SH3GL2: variants seen among roughly 807,000 people sequenced by gnomAD.
SH3GL2 encodes SH3 domain containing GRB2 like 2, endophilin A1.
Under a neutral mutation model 46.0 loss-of-function variants are expected in SH3GL2, and 24 were observed. That is an observed-to-expected ratio of 0.52 (90% CI 0.38 to 0.73). The LOEUF (loss-of-function observed/expected upper bound fraction) is 0.73. SH3GL2 is among the 30% of genes least tolerant of loss of function. The pLI, the probability that SH3GL2 is intolerant of heterozygous loss-of-function variation, is 0.00. For missense variants in SH3GL2, 413 were observed against 424.2 expected, an observed-to-expected ratio of 0.97 and a Z score of 0.23; for synonymous variants, 196 against 147.1, an observed-to-expected ratio of 1.33 and a Z score of -2.40.
intron 1 of SH3GL2, among the ~76,000 whole-genome samples, chr9:17,725,844 G>A (rs1181337479): frequency 2.0e-5 from 3 of 152,154 alleles, no homozygotes; most frequent in African/African-American, 4.8e-5. Flanking sequence ...GCAGCGAGAG[G>A]CACTGGCAGC....
At chr9:17,608,147 C>CTTTTTTTTTTT (rs58474566) in intron 1 of SH3GL2, among the ~76,000 whole-genome samples, 1 of 120,348 alleles carries the variant, frequency 8.3e-6, no homozygotes, top group African/African-American at 3.1e-5. Flanking sequence ...AAGCTTTCCT[C>CTTTTTTTTTTT]TTTTTTTTTT....
chr9:17,606,628 A>C (rs906822169), intron 1 of SH3GL2, among the ~76,000 whole-genome samples: 1 of 152,172 alleles, frequency 6.6e-6, no homozygotes, highest in Non-Finnish European at 1.5e-5. Flanking sequence ...TCAATTTTAA[A>C]AGTTTCTACA....
At chr9:17,687,498 A>G (rs1222433231) in intron 1 of SH3GL2, among the ~76,000 whole-genome samples, 1 of 151,306 alleles carries the variant, frequency 6.6e-6, no homozygotes, top group African/African-American at 2.5e-5. Flanking sequence ...TTTTAAGTGC[A>G]GCAAAAAAAA....
At chr9:17,581,718 G>T (rs1025273972) in intron 1 of SH3GL2, among the ~76,000 whole-genome samples, 3 of 152,066 alleles carry the variant, frequency 2.0e-5, no homozygotes, top group Non-Finnish European at 4.4e-5. Flanking sequence ...ATTCATTTGA[G>T]ACAAAGTTTG....
chr9:17,613,748 A>T (rs944703130), intron 1 of SH3GL2, among the ~76,000 whole-genome samples: 6 of 152,228 alleles, frequency 3.9e-5, no homozygotes, highest in African/African-American at 1.4e-4. Flanking sequence ...AAGATGCTCT[A>T]GCCTGCAGAA....
intron 1 of SH3GL2, among the ~76,000 whole-genome samples, chr9:17,633,365 T>C (rs1224575824): frequency 6.6e-6 from 1 of 152,182 alleles, no homozygotes; most frequent in East Asian, 1.9e-4. Flanking sequence ...GCTGCACTGC[T>C]GCCAGTGACG....
intron 1 of SH3GL2, among the ~76,000 whole-genome samples, chr9:17,707,155 C>T (rs1821492251): frequency 6.6e-6 from 1 of 152,030 alleles, no homozygotes; most frequent in South Asian, 2.1e-4. Flanking sequence ...GCAACACACA[C>T]ATGTTGTGAC....
chr9:17,636,573 G>A (rs1454189817), intron 1 of SH3GL2, among the ~76,000 whole-genome samples: 1 of 152,138 alleles, frequency 6.6e-6, no homozygotes, highest in African/African-American at 2.4e-5. Context: ...TTTTGATAAT[G>A]ATAAGGGAAA....
chr9:17,690,176 C>G (rs73645136), intron 1 of SH3GL2, among the ~76,000 whole-genome samples: 1 of 152,100 alleles, frequency 6.6e-6, no homozygotes, highest in Non-Finnish European at 1.5e-5. Flanking sequence ...TGTCTACACC[C>G]CCACAATATC....
intron 1 of SH3GL2, among the ~76,000 whole-genome samples, chr9:17,598,994 C>T (rs1302736558): frequency 6.6e-6 from 1 of 151,966 alleles, no homozygotes; most frequent in Non-Finnish European, 1.5e-5. Context: ...GAAAGTCCAG[C>T]AATAAGTAGT....
chr9:17,751,444 A>T (rs1030325082), intron 2 of SH3GL2, among the ~76,000 whole-genome samples: 7 of 150,648 alleles, frequency 4.6e-5, no homozygotes, highest in Admixed American at 2.6e-4. Context: ...TTGGCTATCA[A>T]AGCTGGGTTT....
rs181008167 is a variant in SH3GL2, at chr9:17,583,400, C to T, written c.45+4113C>T. On this transcript the variant is annotated intron_variant, in intron 1 of 8. Transcript: ENST00000380607. ...AAGTCATGAATGGGATTAGTGCTCT[C>T]TTAAAAGAAGTTGAAGGGGTCACCC... Among the ~76,000 whole-genome samples, 635 of 152,218 alleles carry T rather than the reference C, an allele frequency of 4.2e-3. 4 individuals are homozygous for T. The highest frequency in any genetic ancestry group is 5.4e-3 in the Admixed American group (82 of 15,300).
chr9:17,726,084 C>A (rs1822013741), intron 1 of SH3GL2, among the ~76,000 whole-genome samples: 1 of 152,078 alleles, frequency 6.6e-6, no homozygotes, highest in African/African-American at 2.4e-5. Flanking sequence ...GCTGTATGCC[C>A]TTAGGAAAAT....
intron 1 of SH3GL2, among the ~76,000 whole-genome samples, chr9:17,600,750 G>T (rs1221293398): frequency 6.6e-6 from 1 of 152,130 alleles, no homozygotes; most frequent in African/African-American, 2.4e-5. Context: ...TTAGTTTCAT[G>T]CTGATCCACA....
At chr9:17,618,141 C>T (rs1299514659) in intron 1 of SH3GL2, among the ~76,000 whole-genome samples, 1 of 152,100 alleles carries the variant, frequency 6.6e-6, no homozygotes, top group African/African-American at 2.4e-5. Flanking sequence ...TTTTGCTTTC[C>T]TGCTAAAGGG....
chr9:17,599,766 G>C (rs1170377467), intron 1 of SH3GL2, among the ~76,000 whole-genome samples: 2 of 152,120 alleles, frequency 1.3e-5, no homozygotes, highest in Admixed American at 6.6e-5. Flanking sequence ...TTGGATGGGT[G>C]GTGATTTGGA....
intron 3 of SH3GL2, among the ~76,000 whole-genome samples, chr9:17,772,829 C>T (rs778202845): frequency 6.6e-6 from 1 of 152,060 alleles, no homozygotes; most frequent in African/African-American, 2.4e-5. Flanking sequence ...CACTCTGAAA[C>T]TCTGCTTTCA....
At chr9:17,591,554 C>T (rs1818481699) in intron 1 of SH3GL2, among the ~76,000 whole-genome samples, 1 of 152,104 alleles carries the variant, frequency 6.6e-6, no homozygotes. Context: ...TAGAAGGGTA[C>T]ATTTGTATCA....
At position 17,635,637 on chromosome 9, in the gene SH3GL2, A is replaced by G. The variant is rs544930498; in HGVS notation, c.45+56350A>G. Among the ~76,000 whole-genome samples, 10 of 152,306 alleles carry G rather than the reference A, an allele frequency of 6.6e-5. No individual in the cohort carries two copies. The South Asian group carries it at 1.9e-3, about 28-fold the overall frequency. On this transcript the variant is annotated intron_variant, in intron 1 of 8. Coordinates refer to ENST00000380607, the MANE Select transcript of SH3GL2 (RefSeq NM_003026.5). ...CTGTTCTTGACCTCACAGAGCATTT[A>G]TTTAAGCTGAAAGTCATGTGCCTGC...
Sources: allele counts gnomAD v4.1 joint callset (sites outside exome capture counted in the v4.1 genomes callset), GRCh38; gene constraint gnomAD v4.1.1; transcripts MANE v1.5; gene names NCBI Gene and HGNC (gene_info 2026-07-23, HGNC 2026-07-21).